Variants in ADAMTSL1 observed in about 807,000 individuals in gnomAD.
ADAMTSL1 encodes ADAMTS like 1.
A neutral mutation model predicts 201.8 loss-of-function variants in ADAMTSL1; 126 were observed. The observed-to-expected ratio is 0.62, with a 90% confidence interval of 0.54 to 0.72. The LOEUF is 0.72. ADAMTSL1 is among the 30% of genes least tolerant of loss of function. The probability of loss-of-function intolerance (pLI) is 0.00; values close to 1 mark genes in which losing one functional copy is unlikely to be tolerated. For missense variants in ADAMTSL1, 2,679 were observed against 2,277.8 expected (o/e 1.18, Z -3.59); for synonymous variants, 1,121 against 903.4 (o/e 1.24, Z -4.32).
chr9:18,302,836 C>G (rs894179504), intron 2 of ADAMTSL1, among the ~76,000 whole-genome samples: 4 of 152,120 alleles, frequency 2.6e-5, no homozygotes, highest in Non-Finnish European at 5.9e-5. Context: ...TACTTTTTAA[C>G]TTTAAAATGT....
chr9:18,893,490 C>T (rs538618799), intron 26 of ADAMTSL1, among the ~76,000 whole-genome samples: 7 of 152,112 alleles, frequency 4.6e-5, no homozygotes, highest in African/African-American at 1.7e-4. Flanking sequence ...CAGTACGTGT[C>T]GAGCTTTAAT....
chr9:18,301,783 C>A (rs1434229019), intron 2 of ADAMTSL1, among the ~76,000 whole-genome samples: 12 of 152,138 alleles, frequency 7.9e-5, no homozygotes, highest in Admixed American at 7.9e-4. Flanking sequence ...CCTTATGGGG[C>A]AAGGTAGTGA....
intron 23 of ADAMTSL1, among the ~76,000 whole-genome samples, chr9:18,878,808 A>T (rs549445097): frequency 6.6e-6 from 1 of 152,190 alleles, no homozygotes; most frequent in African/African-American, 2.4e-5. Context: ...TTTGTCTCCT[A>T]TCTGCCATTT....
At chr9:18,071,037 G>A (rs1822940363) in intron 1 of ADAMTSL1, among the ~76,000 whole-genome samples, 1 of 152,130 alleles carries the variant, frequency 6.6e-6, no homozygotes, top group Non-Finnish European at 1.5e-5. Flanking sequence ...AAACAGGGAG[G>A]GGTCAGGGGA....
At chr9:18,869,908 C>T (rs1827780162) in intron 23 of ADAMTSL1, among the ~76,000 whole-genome samples, 1 of 152,014 alleles carries the variant, frequency 6.6e-6, no homozygotes, top group African/African-American at 2.4e-5. Context: ...TTCATGGCCT[C>T]CAATTAGACA....
intron 1 of ADAMTSL1, among the ~76,000 whole-genome samples, chr9:18,140,877 T>C (rs1826369114): frequency 6.6e-6 from 1 of 152,176 alleles, no homozygotes; most frequent in Non-Finnish European, 1.5e-5. Context: ...GACAGAGCTG[T>C]CCAAAATTAG....
At chr9:18,283,928 AAAG>A (rs975074921) in intron 2 of ADAMTSL1, among the ~76,000 whole-genome samples, 4,602 of 103,266 alleles carry the variant, frequency 0.045, 509 homozygotes, top group African/African-American at 0.088. Context: ...AAAAAAAAAA[AAAG>A]AAGAAGAAGA....
chr9:17,957,347 C>A (rs1054873555), intron 1 of ADAMTSL1, among the ~76,000 whole-genome samples: 1 of 152,114 alleles, frequency 6.6e-6, no homozygotes. Flanking sequence ...CCCTTAGACC[C>A]TATTAGCAGC....
chr9:18,720,815 C>T (rs192066935), intron 14 of ADAMTSL1, among the ~76,000 whole-genome samples: 1 of 152,272 alleles, frequency 6.6e-6, no homozygotes, highest in East Asian at 1.9e-4. Flanking sequence ...AGTGTCTCCC[C>T]AAGGGCCCTG....
chr9:18,072,630 G>A (rs1823019463), intron 1 of ADAMTSL1, among the ~76,000 whole-genome samples: 1 of 152,186 alleles, frequency 6.6e-6, no homozygotes, highest in African/African-American at 2.4e-5. Context: ...ACCACAGGTT[G>A]ATTATCTGCA....
intron 5 of ADAMTSL1, among the ~76,000 whole-genome samples, chr9:18,625,603 A>AT: frequency 6.6e-6 from 1 of 152,314 alleles, no homozygotes; most frequent in East Asian, 1.9e-4. Context: ...AAAATAGTCA[A>AT]ATATAGCTGA....
intron 2 of ADAMTSL1, among the ~76,000 whole-genome samples, chr9:18,281,319 C>G (rs143277794): frequency 0.014 from 2,073 of 152,162 alleles, 39 homozygotes; most frequent in African/African-American, 0.044. Flanking sequence ...GGAGGATTCA[C>G]CACCAGACTG....
intron 1 of ADAMTSL1, among the ~76,000 whole-genome samples, chr9:17,928,292 C>T (rs947295387): frequency 5.3e-5 from 8 of 152,178 alleles, no homozygotes; most frequent in African/African-American, 1.7e-4. Flanking sequence ...AGCCACTGAA[C>T]CTAGTTCTTT....
intron 2 of ADAMTSL1, among the ~76,000 whole-genome samples, chr9:18,225,837 ATCTT>A (rs1830416770): frequency 6.6e-6 from 1 of 152,126 alleles, no homozygotes; most frequent in South Asian, 2.1e-4. Context: ...CTGCATACTT[ATCTT>A]TCTTTCTTCT....
At chr9:18,097,274 T>C (rs1226622114) in intron 1 of ADAMTSL1, among the ~76,000 whole-genome samples, 1 of 152,258 alleles carries the variant, frequency 6.6e-6, no homozygotes, top group African/African-American at 2.4e-5. Flanking sequence ...CATTCTATTG[T>C]AGGCATATAT....
intron 23 of ADAMTSL1, among the ~76,000 whole-genome samples, chr9:18,853,922 CGT>C (rs1563860283): frequency 2.6e-5 from 1 of 37,792 alleles, no homozygotes; most frequent in Non-Finnish European, 5.4e-5. Flanking sequence ...TGTGTGTGCG[CGT>C]GCATGCAAAT....
intron 4 of ADAMTSL1, among the ~76,000 whole-genome samples, chr9:18,578,945 A>T (rs1051908287): frequency 6.6e-6 from 1 of 151,142 alleles, no homozygotes; most frequent in Non-Finnish European, 1.5e-5. Flanking sequence ...ATGATATCTC[A>T]TAGTGGTTTT....
intron 2 of ADAMTSL1, among the ~76,000 whole-genome samples, chr9:18,235,792 A>G (rs546504035): frequency 7.4e-4 from 112 of 152,302 alleles, no homozygotes; most frequent in Non-Finnish European, 1.3e-3. Flanking sequence ...AGCTCAAGAT[A>G]CAGTAGAAAG....
At chr9:18,128,300 C>T (rs1447590433) in intron 1 of ADAMTSL1, among the ~76,000 whole-genome samples, 7 of 152,170 alleles carry the variant, frequency 4.6e-5, no homozygotes. Flanking sequence ...TTTATAAACA[C>T]AGCACCAATG....
Sources: allele counts gnomAD v4.1 joint callset (sites outside exome capture counted in the v4.1 genomes callset), GRCh38; gene constraint gnomAD v4.1.1; transcripts MANE v1.5; gene names NCBI Gene and HGNC (gene_info 2026-07-23, HGNC 2026-07-21).